AIF1L: variants seen among roughly 807,000 people sequenced by gnomAD.
AIF1L encodes the protein allograft inflammatory factor 1 like.
Under a neutral mutation model 20.7 loss-of-function variants are expected in AIF1L, and 12 were observed. The ratio of observed to expected loss-of-function variants is 0.58; its 90% CI spans 0.37 to 0.94. The LOEUF (loss-of-function observed/expected upper bound fraction) is 0.94. Among genes scored for constraint, AIF1L ranks in the 40% least tolerant of loss-of-function variants. AIF1L has a pLI of 0.01. For synonymous variants in AIF1L, 76 were observed against 65.1 expected (o/e 1.17, Z -0.81); for missense variants, 173 against 185.3 (o/e 0.93, Z 0.39).
chr9:131,097,880 G>A (rs1830560302), intron 2 of AIF1L, among the ~76,000 whole-genome samples: 1 of 152,246 alleles, frequency 6.6e-6, no homozygotes, highest in Non-Finnish European at 1.5e-5. Flanking sequence ...CACAGAACTA[G>A]CATTATTTCC....
At chr9:131,097,719 G>A (rs549163947) in intron 2 of AIF1L, among the ~76,000 whole-genome samples, 1 of 152,346 alleles carries the variant, frequency 6.6e-6, no homozygotes, top group South Asian at 2.1e-4. Flanking sequence ...TTAAAGTTCT[G>A]CAAGACCTGG....
At chr9:131,099,945 T>A (rs970773847) in intron 2 of AIF1L, among the ~76,000 whole-genome samples, 3 of 152,120 alleles carry the variant, frequency 2.0e-5, no homozygotes, top group Non-Finnish European at 4.4e-5. Context: ...CAGGCTGGTC[T>A]CGAACTCCTG....
At chr9:131,108,764 G>T (rs1007315855) in intron 2 of AIF1L, among the ~76,000 whole-genome samples, 9 of 152,196 alleles carry the variant, frequency 5.9e-5, no homozygotes, top group African/African-American at 2.2e-4. Flanking sequence ...GCCATATTCT[G>T]CCTCATACTC....
At chr9:131,101,939 C>CA (rs1830648408) in intron 2 of AIF1L, among the ~76,000 whole-genome samples, 1 of 152,044 alleles carries the variant, frequency 6.6e-6, no homozygotes, top group South Asian at 2.1e-4. Flanking sequence ...CATTTTGAGA[C>CA]AGAGTCTCAC....
At chr9:131,112,980 G>C (rs1317262075) in intron 3 of AIF1L, among the ~76,000 whole-genome samples, 1 of 152,124 alleles carries the variant, frequency 6.6e-6, no homozygotes, top group Non-Finnish European at 1.5e-5. Context: ...ATGCGCACCT[G>C]TACATGTGCC....
chr9:131,107,792 G>A (rs1830784340), intron 2 of AIF1L: 1 of 152,178 alleles, frequency 6.6e-6, no homozygotes, highest in Non-Finnish European at 1.5e-5. Flanking sequence ...GGGAATCACT[G>A]ATCTAATATG....
intron 2 of AIF1L, among the ~76,000 whole-genome samples, chr9:131,102,447 A>G (rs564050790): frequency 2.0e-5 from 3 of 152,052 alleles, no homozygotes; most frequent in African/African-American, 7.2e-5. Context: ...CTGGGCACCC[A>G]CCTCTCTTGC....
At chr9:131,117,697 T>TGG in intron 4 of AIF1L, 59 bp from the exon 5 acceptor site, 1 of 1,508,638 alleles carries the variant, frequency 6.6e-7, no homozygotes, top group Non-Finnish European at 8.9e-7. Context: ...CTTTCCCAGC[T>TGG]TCCCTGCTAA....
chr9:131,103,828 T>A lies in AIF1L; in HGVS notation c.93+6965T>A, dbSNP rs79713253. Among the ~76,000 whole-genome samples the A allele has an allele frequency of 9.0e-3, 1,378 of 152,300 alleles. 13 individuals carry two copies. The highest frequency in any genetic ancestry group is 0.012 in the Non-Finnish European group (804 of 68,026). ...GAGCTAGTATGTGCTAAAGCTGGAA[T>A]GGCAACCCTGGCAAGTTATCCCCTA... On this transcript the variant is annotated intron_variant, in intron 2 of 5. Transcript: ENST00000247291.
At chr9:131,116,032 A>T (rs1012448709) in intron 4 of AIF1L, among the ~76,000 whole-genome samples, 3 of 152,034 alleles carry the variant, frequency 2.0e-5, no homozygotes, top group Non-Finnish European at 2.9e-5. Context: ...CATTAAAAAA[A>T]TTGGGGAAAC....
chr9:131,121,318 A>G lies in AIF1L; in HGVS notation c.*996A>G. ...TCACTCATTCACCAGATATTTATTGACCTGCTATTATAAGCTTTACATCCT... is the reference window on the plus strand; with the variant it reads ...TCACTCATTCACCAGATATTTATTGGCCTGCTATTATAAGCTTTACATCCT... On this transcript the variant is annotated 3_prime_UTR_variant, in exon 6 of 6. Coordinates refer to ENST00000247291, the MANE Select transcript of AIF1L (RefSeq NM_031426.4). 1 of 564,738 alleles carries G rather than the reference A, an allele frequency of 1.8e-6. No homozygotes were observed. The highest frequency in any genetic ancestry group is 2.4e-5 in the South Asian group (1 of 40,848). 35.0% of individuals were successfully genotyped at this position (564,738 alleles called of 1,614,324 possible).
Position 131,120,763 on chromosome 9 carries a change from G to A in AIF1L, c.*441G>A, listed in dbSNP as rs1450551273. The A allele has an allele frequency of 3.0e-6, 1 of 331,376 alleles. No homozygotes were observed. Among genetic ancestry groups the A allele is most frequent in the Non-Finnish European group, 5.5e-6 (1 of 182,794 alleles). The allele number at this position is 331,376 out of a possible 1,614,324, so 20.5% of individuals were successfully genotyped here. A position where few individuals can be genotyped will look rare whatever the true frequency, so the allele number is the denominator to read the frequency against. ...CCTTGGAGTAGGGACAAGGCTGCAG[G>A]GCCTCTTTCGGGTTTCCTTGGACAG... On this transcript the variant is annotated 3_prime_UTR_variant, in exon 6 of 6. Coordinates refer to ENST00000247291, the MANE Select transcript of AIF1L (RefSeq NM_031426.4).
chr9:131,116,326 C>T (rs1831012316), intron 4 of AIF1L, among the ~76,000 whole-genome samples: 1 of 152,108 alleles, frequency 6.6e-6, no homozygotes, highest in Non-Finnish European at 1.5e-5. Context: ...TGCAGTGGCA[C>T]AATCTTGGCT....
At chr9:131,108,169 C>G (rs961985843) in intron 2 of AIF1L, 2 of 147,946 alleles carry the variant, frequency 1.4e-5, no homozygotes, top group Non-Finnish European at 3.0e-5. Context: ...GACCCAGGTT[C>G]GAAACCAACC....
rs1830530161 is a variant in AIF1L, at chr9:131,096,586, C to T, written c.-44C>T. On this transcript the variant is annotated 5_prime_UTR_variant, in exon 1 of 6. Transcript: ENST00000247291. ...GCCTGTGCCTCCTCCTCGTCCCTCG[C>T]CGCGTCCGCGAAGCCTGGAGCCGGC... The T allele has an allele frequency of 1.3e-6, 2 of 1,483,864 alleles. No homozygotes were observed. The highest frequency in any genetic ancestry group is 2.3e-5 in the Admixed American group (1 of 43,012). 91.9% of individuals were successfully genotyped at this position (1,483,864 alleles called of 1,614,324 possible).
At position 131,096,899 on chromosome 9, in the gene AIF1L, AGCC is replaced by A. The variant is rs926642995; in HGVS notation, c.93+39_93+41del. 6 of 1,503,138 alleles carry A rather than the reference AGCC, an allele frequency of 4.0e-6. No individual in the cohort carries two copies. In the African/African-American group the frequency reaches 5.8e-5, roughly 14 times the overall value. The allele number at this position is 1,503,138 out of a possible 1,614,324, so 93.1% of individuals were successfully genotyped here. A position where few individuals can be genotyped will look rare whatever the true frequency, so the allele number is the denominator to read the frequency against. ...CGCCCAGGGCAGCACGCGAGTCCCG[AGCC>A]GCGCGCTGCGCGGGTGCCACCTCTC... On this transcript the variant is annotated intron_variant, in intron 2 of 5. Transcript: ENST00000247291.
In AIF1L at chr9:131,121,114, G is replaced by T; in HGVS notation, c.*792G>T. 1 of 715,096 alleles carries T rather than the reference G, an allele frequency of 1.4e-6. No individual in the cohort carries two copies. Among genetic ancestry groups the T allele is most frequent in the Non-Finnish European group, 2.6e-6 (1 of 383,962 alleles). The allele number at this position is 715,096 out of a possible 1,614,324, so 44.3% of individuals were successfully genotyped here. A position where few individuals can be genotyped will look rare whatever the true frequency, so the allele number is the denominator to read the frequency against. On this transcript the variant is annotated 3_prime_UTR_variant, in exon 6 of 6. Transcript: ENST00000247291. ...TCAGTGCTGTTCCACCTTTTAGGGA[G>T]GTTACTGAGGGGACCAGGATGGGAG...
At chr9:131,100,810 C>T (rs1203989324) in intron 2 of AIF1L, among the ~76,000 whole-genome samples, 1 of 152,228 alleles carries the variant, frequency 6.6e-6, no homozygotes, top group Non-Finnish European at 1.5e-5. Flanking sequence ...CGCTGCCCCT[C>T]AGGGTGGCTG....
chr9:131,106,151 C>T (rs745992412), intron 2 of AIF1L: 18 of 1,526,802 alleles, frequency 1.2e-5, no homozygotes, highest in African/African-American at 2.7e-5. Context: ...GGCCCTGCCT[C>T]CTCCGAGCTG....
Sources: allele counts gnomAD v4.1 joint callset (sites outside exome capture counted in the v4.1 genomes callset), GRCh38; gene constraint gnomAD v4.1.1; transcripts MANE v1.5; gene names NCBI Gene and HGNC (gene_info 2026-07-23, HGNC 2026-07-21).